RPS6KA2: variants seen among roughly 807,000 people sequenced by gnomAD.
RPS6KA2 encodes the protein ribosomal protein S6 kinase alpha-2.
RPS6KA2 carries 42 observed loss-of-function variants against 91.8 expected under a neutral mutation model. The ratio of observed to expected loss-of-function variants is 0.46; its 90% CI spans 0.36 to 0.59. RPS6KA2 has a LOEUF of 0.59. RPS6KA2 is among the 20% of genes least tolerant of loss of function. The pLI is 0.00. For synonymous variants in RPS6KA2, 414 were observed against 393.6 expected, an observed-to-expected ratio of 1.05 and a Z score of -0.61; for missense variants, 798 against 978.5, an observed-to-expected ratio of 0.82 and a Z score of 2.46.
Position 166,493,656 on chromosome 6 carries a change from G to A in RPS6KA2, c.748-2915C>T, listed in dbSNP as rs986416525. ...GGAGATGTAGCCAAAGCTCCACCGG[G>A]TGCAGGCCCGATGCTTCTGGGAAGG... On this transcript the variant is annotated intron_variant, in intron 8 of 20. Transcript: ENST00000265678. This position sits in a 1 kb window ranked among gnomAD's most constrained non-coding sequence, Gnocchi z 4.7. Among the ~76,000 whole-genome samples the A allele has an allele frequency of 6.6e-6, 1 of 152,046 alleles. No individual in the cohort carries two copies. The highest frequency in any genetic ancestry group is 1.5e-5 in the Non-Finnish European group (1 of 68,014).
At chr6:166,466,646 G>T (rs1056381894) in intron 11 of RPS6KA2, among the ~76,000 whole-genome samples, 1 of 152,382 alleles carries the variant, frequency 6.6e-6, no homozygotes, top group Non-Finnish European at 1.5e-5. Context: ...GAGTGTGAGA[G>T]TGAGGAAATG....
chr6:166,834,258 G>A (rs1039802464), intron 2 of RPS6KA2, among the ~76,000 whole-genome samples: 1 of 152,010 alleles, frequency 6.6e-6, no homozygotes, highest in African/African-American at 2.4e-5. Flanking sequence ...ATCTCACGGT[G>A]GTTTTAATCT....
chr6:166,535,479 G>A (rs181966799), intron 2 of RPS6KA2, among the ~76,000 whole-genome samples: 1 of 152,364 alleles, frequency 6.6e-6, no homozygotes, highest in African/African-American at 2.4e-5. Flanking sequence ...CTTTGGTTTG[G>A]TTCCTTTTTC....
At chr6:166,432,704 G>A (rs1197308087) in intron 14 of RPS6KA2, among the ~76,000 whole-genome samples, 1 of 152,166 alleles carries the variant, frequency 6.6e-6, no homozygotes, top group African/African-American at 2.4e-5. Flanking sequence ...ACAAAGAGGA[G>A]TACAGGCTGG....
At chr6:166,862,751 C>T (rs1234486200), upstream of RPS6KA2, 1 of 147,510 alleles carries the variant, frequency 6.8e-6, no homozygotes, top group Non-Finnish European at 1.5e-5. Context: ...AGCACGCGCA[C>T]ACCCTTCCCC....
chr6:166,680,570 C>T (rs116488504), intron 2 of RPS6KA2, among the ~76,000 whole-genome samples: 293 of 152,258 alleles, frequency 1.9e-3, no homozygotes, highest in African/African-American at 6.6e-3. Context: ...CAGCTTCACT[C>T]CTGAAGCCAG....
chr6:166,744,409 G>A (rs1376833490), intron 2 of RPS6KA2, among the ~76,000 whole-genome samples: 2 of 152,240 alleles, frequency 1.3e-5, no homozygotes, highest in Admixed American at 6.5e-5. Flanking sequence ...GAGGGGAATG[G>A]GAGCGTTGCT....
chr6:166,711,141 G>A (rs1789833301), intron 2 of RPS6KA2, among the ~76,000 whole-genome samples: 1 of 151,266 alleles, frequency 6.6e-6, no homozygotes, highest in Non-Finnish European at 1.5e-5. Flanking sequence ...GGGTAACAAG[G>A]CCATAAGTCT....
At position 166,413,852 on chromosome 6, in the gene RPS6KA2, AC is replaced by A; in HGVS notation, c.2017del (p.Val673SerfsTer19). 6.2e-7 allele frequency: 1 copy of A among 1,614,086 alleles called. No homozygotes were observed. Among genetic ancestry groups the A allele is most frequent in the Non-Finnish European group, 8.5e-7 (1 of 1,179,994 alleles). On this transcript the variant is annotated frameshift_variant, in exon 20 of 21. Transcript: ENST00000265678. LOFTEE classifies it high-confidence loss of function. ...GTTTGGGGACAGGTACTCTCTGTTG[AC>A]CACCCACGGGTGTTTGAGCACTTGC... ...AMQVLKHPWV[V>X]NREYLSPNQL...
intron 2 of RPS6KA2, among the ~76,000 whole-genome samples, chr6:166,790,206 C>T (rs1389987346): frequency 1.3e-5 from 2 of 152,056 alleles, no homozygotes; most frequent in African/African-American, 2.4e-5. Flanking sequence ...TCGAGAATTA[C>T]GTGAAGAATG....
At chr6:166,656,380 A>G (rs1788002345) in intron 2 of RPS6KA2, among the ~76,000 whole-genome samples, 1 of 152,178 alleles carries the variant, frequency 6.6e-6, no homozygotes, top group Non-Finnish European at 1.5e-5. Context: ...CCCAACCCAA[A>G]GGCGTCTTCC....
chr6:166,751,230 G>C (rs144117349), intron 2 of RPS6KA2, among the ~76,000 whole-genome samples: 1 of 152,222 alleles, frequency 6.6e-6, no homozygotes, highest in African/African-American at 2.4e-5. Flanking sequence ...CTTCCAAGCC[G>C]CCTGCTTGTT....
At chr6:166,654,943 G>A (rs1787962299) in intron 2 of RPS6KA2, among the ~76,000 whole-genome samples, 1 of 146,460 alleles carries the variant, frequency 6.8e-6, no homozygotes, top group African/African-American at 2.6e-5. Context: ...CATGGCTTTA[G>A]CACTTATAAA....
chr6:166,849,422 T>C lies in RPS6KA2; in HGVS notation c.123+8778A>G, dbSNP rs535814975. Among the ~76,000 whole-genome samples the C allele has an allele frequency of 6.6e-6, 1 of 152,184 alleles. No individual in the cohort carries two copies. Among genetic ancestry groups the C allele is most frequent in the Non-Finnish European group, 1.5e-5 (1 of 68,030 alleles). ...AAGATTCGTGCTGTCTTCTTTTTCA[T>C]AGAATCCTGGTGCCCAGCACAGGGC... On this transcript the variant is annotated intron_variant, in intron 2 of 21. Coordinates refer to the RPS6KA2 transcript ENST00000503859. This position sits in a 1 kb window ranked among gnomAD's most constrained non-coding sequence, Gnocchi z 4.9.
chr6:166,670,079 G>A (rs1562374123), intron 2 of RPS6KA2, among the ~76,000 whole-genome samples: 1 of 152,278 alleles, frequency 6.6e-6, no homozygotes, highest in Admixed American at 6.5e-5. Context: ...TCACAGAGGT[G>A]CAAATGGCAG....
intron 6 of RPS6KA2, among the ~76,000 whole-genome samples, chr6:166,504,099 G>A (rs903427952): frequency 6.6e-6 from 1 of 152,228 alleles, no homozygotes; most frequent in Non-Finnish European, 1.5e-5. Context: ...TGAGAGAGGA[G>A]GAGAAACTGC....
chr6:166,741,440 C>G (rs1790812376), intron 2 of RPS6KA2, among the ~76,000 whole-genome samples: 1 of 152,204 alleles, frequency 6.6e-6, no homozygotes, highest in Non-Finnish European at 1.5e-5. Flanking sequence ...TCAAATCATT[C>G]TCTGCACTTT....
intron 2 of RPS6KA2, among the ~76,000 whole-genome samples, chr6:166,785,162 A>G (rs751367792): frequency 1.3e-5 from 2 of 152,196 alleles, no homozygotes; most frequent in Non-Finnish European, 2.9e-5. Flanking sequence ...TTTGCTTGTA[A>G]AGGCAGTCTC....
At position 166,748,520 on chromosome 6, in the gene RPS6KA2, G is replaced by C. The variant is rs59166746; in HGVS notation, c.123+109680C>G. Among the ~76,000 whole-genome samples, 245 of 147,960 alleles carry C rather than the reference G, an allele frequency of 1.7e-3. 1 individual carries two copies. The highest frequency in any genetic ancestry group is 5.4e-3 in the African/African-American group (213 of 39,508). On this transcript the variant is annotated intron_variant, in intron 2 of 21. Transcript: ENST00000503859. ...AGGGGGCAGATCAGCCTCCATGGGG[G>C]CCCCACCTCCTCGGGCCCCCCATCC...
Sources: allele counts gnomAD v4.1 joint callset (sites outside exome capture counted in the v4.1 genomes callset), GRCh38; gene constraint gnomAD v4.1.1; non-coding constraint Gnocchi (gnomAD v3.1); transcripts MANE v1.5; gene names NCBI Gene and HGNC (gene_info 2026-07-23, HGNC 2026-07-21).